MINDY2: variants seen among roughly 807,000 people sequenced by gnomAD.
MINDY2 encodes MINDY lysine 48 deubiquitinase 2.
Under a neutral mutation model 68.2 loss-of-function variants are expected in MINDY2, and 52 were observed. The observed-to-expected ratio is 0.76, with a 90% confidence interval of 0.61 to 0.96. The LOEUF (loss-of-function observed/expected upper bound fraction) is 0.96. Ranked by LOEUF, MINDY2 falls within the 40% of genes least tolerant of loss-of-function variation. The pLI is 0.00. For missense variants in MINDY2, 881 were observed against 773.4 expected (o/e 1.14, Z -1.65); for synonymous variants, 372 against 303.0 (o/e 1.23, Z -2.36).
At position 58,823,664 on chromosome 15, in the gene MINDY2, A is replaced by AAAAAC. The variant is rs148639454; in HGVS notation, c.1225+1870_1225+1874dup. Among the ~76,000 whole-genome samples, 324 of 150,690 alleles carry AAAAAC rather than the reference A, an allele frequency of 2.2e-3. 4 individuals are homozygous for AAAAAC. The East Asian group carries it at 0.042, about 20-fold the overall frequency. On this transcript the variant is annotated intron_variant, in intron 5 of 8. Transcript: ENST00000559228. Reference sequence around the variant, plus strand: ...TGGGCAACAGAACAGAATCTGTCTCAAAAACAAAACAAAACAAAACAAAAC... The same window carrying AAAAAC: ...TGGGCAACAGAACAGAATCTGTCTCAAAAACAAAACAAAACAAAACAAAACAAAAC...
intron 1 of MINDY2, among the ~76,000 whole-genome samples, chr15:58,787,238 C>T (rs1341294450): frequency 6.8e-6 from 1 of 147,674 alleles, no homozygotes; most frequent in Non-Finnish European, 1.5e-5. Context: ...AAGTGATCTG[C>T]CCACCTTGGC....
chr15:58,826,500 A>G lies in MINDY2; in HGVS notation c.1225+4681A>G, dbSNP rs570638048. Among the ~76,000 whole-genome samples the G allele has an allele frequency of 4.6e-5, 7 of 152,240 alleles. No individual in the cohort carries two copies. The South Asian group carries it at 1.2e-3, about 27-fold the overall frequency. On this transcript the variant is annotated intron_variant, in intron 5 of 8. Transcript: ENST00000559228. ...CGCCTTGGCCTTCCAAAGTGCTGGTATTACAGACATGAGCCACTGCACCTG... is the reference window on the plus strand; with the variant it reads ...CGCCTTGGCCTTCCAAAGTGCTGGTGTTACAGACATGAGCCACTGCACCTG...
intron 4 of MINDY2, among the ~76,000 whole-genome samples, chr15:58,818,674 CAG>C (rs2030860647): frequency 8.0e-6 from 1 of 125,074 alleles, no homozygotes; most frequent in Admixed American, 8.1e-5. Flanking sequence ...TTTTTTGAGA[CAG>C]TGTTTTTGTT....
chr15:58,784,027 T>C (rs1901324630), intron 1 of MINDY2, among the ~76,000 whole-genome samples: 1 of 152,266 alleles, frequency 6.6e-6, no homozygotes, highest in East Asian at 1.9e-4. Context: ...CTTGTGCTTA[T>C]ATTAATAATT....
chr15:58,804,958 C>T (rs28394222), intron 3 of MINDY2, among the ~76,000 whole-genome samples: 25,081 of 151,916 alleles, frequency 0.17, 2,278 homozygotes, highest in South Asian at 0.33. Context: ...AGTAAGACTC[C>T]ATCTCAAAAA....
chr15:58,846,751 C>T lies in MINDY2; in HGVS notation c.1369-546C>T, dbSNP rs952168466. On this transcript the variant is annotated intron_variant, in intron 6 of 8. Transcript: ENST00000559228. Reference sequence around the variant, plus strand: ...ATCAATACTGGGCAATTTGGTGCTACGAAACACGTACAAAACAATTGTGTT... The same window carrying T: ...ATCAATACTGGGCAATTTGGTGCTATGAAACACGTACAAAACAATTGTGTT... Among the ~76,000 whole-genome samples the T allele has an allele frequency of 6.6e-5, 10 of 152,008 alleles. No homozygotes were observed. The East Asian group carries it at 1.7e-3, about 26-fold the overall frequency.
chr15:58,805,771 G>T (rs1318859335), intron 3 of MINDY2, among the ~76,000 whole-genome samples: 1 of 151,960 alleles, frequency 6.6e-6, no homozygotes, highest in African/African-American at 2.4e-5. Flanking sequence ...ATCAGTTGTT[G>T]TTTTTTATTA....
In MINDY2 at chr15:58,858,981, G is replaced by GCATA. The variant is rs2033141337; in HGVS notation, c.*4372_*4375dup. 1 of 152,074 alleles carries GCATA rather than the reference G, an allele frequency of 6.6e-6. No individual in the cohort carries two copies. The highest frequency in any genetic ancestry group is 2.4e-5 in the African/African-American group (1 of 41,426). 9.4% of individuals were successfully genotyped at this position (152,074 alleles called of 1,614,324 possible). A position where few individuals can be genotyped will look rare whatever the true frequency, so the allele number is the denominator to read the frequency against. ...AGTGTTTTGCACTCCTGAATAAAGG[G>GCATA]CATAGTATAAGCACAAAGTATGACT... is the stretch of plus-strand genomic sequence containing the variant. On this transcript the variant is annotated 3_prime_UTR_variant, in exon 9 of 9. Coordinates refer to ENST00000559228, the MANE Select transcript of MINDY2 (RefSeq NM_001040450.3).
rs191088649 is a variant in MINDY2 at position 58,828,968 on chromosome 15, C to G, written c.1226-2806C>G. 2.6e-5 allele frequency among the ~76,000 whole-genome samples: 4 copies of G among 151,818 alleles called. No homozygotes were observed. In the East Asian group the frequency reaches 7.7e-4, roughly 29 times the overall value. On this transcript the variant is annotated intron_variant, in intron 5 of 8. Coordinates refer to ENST00000559228, the MANE Select transcript of MINDY2 (RefSeq NM_001040450.3). ...ACTCTATTATCATTAAGTTTTTTAC[C>G]TTTAGTATCATCAATTACAATAACA...
In MINDY2 at chr15:58,810,431, A is replaced by T. The variant is rs201055912; in HGVS notation, c.1122+43A>T. On this transcript the variant is annotated intron_variant, in intron 4 of 8. Transcript: ENST00000559228. ...AATTATGTAAACACAAATACAGGAAAAATGTATTAATTTGGCAAATTAATC... is the reference window on the plus strand; with the variant it reads ...AATTATGTAAACACAAATACAGGAATAATGTATTAATTTGGCAAATTAATC... The T allele has an allele frequency of 2.4e-4, 349 of 1,458,866 alleles. No homozygotes were observed. The African/African-American group carries it at 4.4e-3, about 18-fold the overall frequency. The allele number at this position is 1,458,866 out of a possible 1,614,324, so 90.4% of individuals were successfully genotyped here.
In MINDY2 at chr15:58,819,001, C is replaced by T. The variant is rs550301649; in HGVS notation, c.1123-2716C>T. 2.0e-3 allele frequency among the ~76,000 whole-genome samples: 309 copies of T among 152,144 alleles called. 3 individuals carry two copies. The highest frequency in any genetic ancestry group is 7.2e-3 in the African/African-American group (297 of 41,506). On this transcript the variant is annotated intron_variant, in intron 4 of 8. Coordinates refer to ENST00000559228, the MANE Select transcript of MINDY2 (RefSeq NM_001040450.3). ...GGGGGGTTTTGTTTTGTTTTAGAGA[C>T]AGTGTCTTGCTGCATTGCCCAGGCT...
At chr15:58,846,759 G>A (rs542170113) in intron 6 of MINDY2, among the ~76,000 whole-genome samples, 19 of 152,164 alleles carry the variant, frequency 1.2e-4, no homozygotes, top group African/African-American at 2.2e-4. Flanking sequence ...TACGAAACAC[G>A]TACAAAACAA....
intron 5 of MINDY2, 95 bp downstream of exon 5, chr15:58,821,914 C>T (rs2031085003): frequency 1.3e-6 from 1 of 754,828 alleles, no homozygotes; most frequent in East Asian, 3.6e-5. Flanking sequence ...AATAAGACTT[C>T]TAAAAAACAC....
chr15:58,821,851 A>C (rs746560479), intron 5 of MINDY2, 32 bp downstream of exon 5: 1 of 1,439,938 alleles, frequency 6.9e-7, no homozygotes, highest in East Asian at 2.5e-5. Context: ...CTGACTTTTG[A>C]AATTCTTGGC....
At chr15:58,816,639 G>C (rs2030704934) in intron 4 of MINDY2, among the ~76,000 whole-genome samples, 1 of 151,908 alleles carries the variant, frequency 6.6e-6, no homozygotes, top group Non-Finnish European at 1.5e-5. Flanking sequence ...GGCCTAAAAA[G>C]ATCACTATAC....
At chr15:58,811,966 C>G (rs1375992837) in intron 4 of MINDY2, among the ~76,000 whole-genome samples, 2 of 152,030 alleles carry the variant, frequency 1.3e-5, no homozygotes, top group African/African-American at 4.8e-5. Flanking sequence ...AAGTAAGATT[C>G]AAATTTCAAA....
intron 7 of MINDY2, among the ~76,000 whole-genome samples, chr15:58,851,016 C>T (rs2032784842): frequency 6.6e-6 from 1 of 151,966 alleles, no homozygotes; most frequent in South Asian, 2.1e-4. Context: ...CTCTGTCGCC[C>T]AGGCTGGAGC....
At chr15:58,788,575 A>G (rs577294211) in intron 2 of MINDY2, among the ~76,000 whole-genome samples, 3 of 152,346 alleles carry the variant, frequency 2.0e-5, no homozygotes, top group Non-Finnish European at 2.9e-5. Flanking sequence ...GACTGGCTAC[A>G]TTGAGTTGAA....
chr15:58,840,180 T>TC (rs2141040433), intron 6 of MINDY2, among the ~76,000 whole-genome samples: 1 of 146,034 alleles, frequency 6.8e-6, no homozygotes, highest in African/African-American at 2.6e-5. Context: ...CATCATGAGG[T>TC]CACAATGGAT....
Sources: gnomAD v4.1 joint callset for allele counts (sites outside exome capture counted in the v4.1 genomes callset) on GRCh38, gnomAD v4.1.1 for gene constraint, MANE v1.5 for transcripts, NCBI Gene and HGNC (gene_info 2026-07-23, HGNC 2026-07-21) for gene names.